Variants in TBC1D22A observed in about 807,000 individuals in gnomAD.
TBC1D22A encodes TBC1 domain family member 22A.
A neutral mutation model predicts 60.2 loss-of-function variants in TBC1D22A; 38 were observed. The observed-to-expected ratio is 0.63, with a 90% CI of 0.49 to 0.83. The LOEUF (loss-of-function observed/expected upper bound fraction) is 0.83, where lower values mean the gene tolerates loss of function less well. TBC1D22A is among the 40% of genes least tolerant of loss of function. TBC1D22A has a pLI of 0.00. For missense variants in TBC1D22A, 628 were observed against 701.0 expected (o/e 0.90, Z 1.18); for synonymous variants, 302 against 281.7 (o/e 1.07, Z -0.72).
intron 10 of TBC1D22A, among the ~76,000 whole-genome samples, chr22:47,023,295 G>T (rs1455014008): frequency 1.3e-5 from 2 of 152,138 alleles, no homozygotes; most frequent in Non-Finnish European, 2.9e-5. Flanking sequence ...TCATGAACCT[G>T]CCAACACAGC....
intron 1 of TBC1D22A, among the ~76,000 whole-genome samples, chr22:46,770,249 G>C (rs1462081190): frequency 6.6e-6 from 1 of 152,198 alleles, no homozygotes; most frequent in Non-Finnish European, 1.5e-5. Flanking sequence ...GCCTTCTGCA[G>C]ATGGCTAACA....
At chr22:46,773,349 C>T (rs562213974) in intron 1 of TBC1D22A, among the ~76,000 whole-genome samples, 91 of 152,330 alleles carry the variant, frequency 6.0e-4, no homozygotes, top group Non-Finnish European at 7.8e-4. Context: ...TGTCTGTGTG[C>T]GGAGCAGGCT....
In TBC1D22A at chr22:47,133,701, G is replaced by C. The variant is rs372911760; in HGVS notation, c.1425+22098G>C. ...TGCCTGGAGCTCTCCCTTGTTGGCT[G>C]TCAGGAAACAGGAGGGCCATGGAGC... On this transcript the variant is annotated intron_variant, in intron 12 of 12. Transcript: ENST00000337137. Among the ~76,000 whole-genome samples, 8 of 152,320 alleles carry C rather than the reference G, an allele frequency of 5.3e-5. No individual in the cohort carries two copies. In the East Asian group the frequency reaches 1.5e-3, roughly 29 times the overall value.
At chr22:46,882,993 CA>C (rs1440463835) in intron 5 of TBC1D22A, among the ~76,000 whole-genome samples, 1 of 152,200 alleles carries the variant, frequency 6.6e-6, no homozygotes, top group Non-Finnish European at 1.5e-5. Context: ...TAGAACATAC[CA>C]TTAAGCCACT....
chr22:47,093,560 C>G (rs551556985), intron 11 of TBC1D22A, among the ~76,000 whole-genome samples: 1 of 152,106 alleles, frequency 6.6e-6, no homozygotes, highest in Non-Finnish European at 1.5e-5. Context: ...TAGGAGTTCC[C>G]GGCTTCCCAG....
intron 8 of TBC1D22A, among the ~76,000 whole-genome samples, chr22:46,942,645 G>A (rs926555527): frequency 6.6e-6 from 1 of 152,216 alleles, no homozygotes; most frequent in East Asian, 1.9e-4. Context: ...ATGTGCGCTC[G>A]GCCACCAGTC....
In TBC1D22A at chr22:47,096,679, G is replaced by A. The variant is rs532099518; in HGVS notation, c.1330-14829G>A. On this transcript the variant is annotated intron_variant, in intron 11 of 12. Coordinates refer to ENST00000337137, the MANE Select transcript of TBC1D22A (RefSeq NM_014346.5). ...TCTACTAAAAATACAAAAATTAGCC[G>A]GGTGTAGTGGCGCATGCCTGTAAGC... Among the ~76,000 whole-genome samples the A allele has an allele frequency of 3.7e-4, 56 of 152,202 alleles. 1 individual carries two copies. The highest frequency in any genetic ancestry group is 6.8e-3 in the Middle Eastern group (2 of 294).
At chr22:46,906,201 C>CA (rs1419565844) in intron 7 of TBC1D22A, among the ~76,000 whole-genome samples, 1 of 152,004 alleles carries the variant, frequency 6.6e-6, no homozygotes, top group African/African-American at 2.4e-5. Context: ...TACTGCTACC[C>CA]AAAAAAATGT....
intron 10 of TBC1D22A, among the ~76,000 whole-genome samples, chr22:47,003,418 TACCCTACGCACACATGCCTGTACACACGC>T (rs1569324050): frequency 2.7e-4 from 28 of 103,672 alleles, no homozygotes; most frequent in Admixed American, 5.4e-4. Flanking sequence ...TGTACACACA[TACCCTACGCACACATGCCTGTACACACGC>T]ACCCTACGCA....
At chr22:47,080,797 A>G (rs2064430366) in intron 11 of TBC1D22A, among the ~76,000 whole-genome samples, 1 of 152,098 alleles carries the variant, frequency 6.6e-6, no homozygotes, top group African/African-American at 2.4e-5. Flanking sequence ...CAAGCAATGG[A>G]GGAGATCAAC....
At chr22:46,965,734 C>T (rs563050060) in intron 8 of TBC1D22A, among the ~76,000 whole-genome samples, 1 of 152,354 alleles carries the variant, frequency 6.6e-6, no homozygotes, top group African/African-American at 2.4e-5. Flanking sequence ...TGCCTCATCC[C>T]GTCCCTGTGG....
intron 8 of TBC1D22A, among the ~76,000 whole-genome samples, chr22:46,943,567 G>T (rs1016085452): frequency 1.3e-5 from 2 of 152,160 alleles, no homozygotes; most frequent in East Asian, 1.9e-4. Context: ...TGTGTATTCC[G>T]CCTGGTCCAT....
intron 1 of TBC1D22A, chr22:46,773,895 C>G: frequency 1.0e-6 from 1 of 979,060 alleles, no homozygotes; most frequent in Non-Finnish European, 1.2e-6. Context: ...AGCCACACAG[C>G]TCATAAGTGG....
chr22:46,842,299 C>T (rs1458486215), intron 4 of TBC1D22A, among the ~76,000 whole-genome samples: 4 of 152,206 alleles, frequency 2.6e-5, no homozygotes, highest in Admixed American at 2.6e-4. Context: ...GCTGAGCAGT[C>T]ATGGGTTTGG....
At position 47,009,864 on chromosome 22, in the gene TBC1D22A, T is replaced by A. The variant is rs1221925016; in HGVS notation, c.1201+12155T>A. Among the ~76,000 whole-genome samples the A allele has an allele frequency of 6.6e-6, 1 of 152,240 alleles. No homozygotes were observed. Among genetic ancestry groups the A allele is most frequent in the East Asian group, 1.9e-4 (1 of 5,198 alleles). The stretch of plus-strand genomic sequence containing the variant: ...GTTGAGCTGCCAAGGGCCCTGTCCA[T>A]GCCTGCTCCTGAGGCAGCCTCTTCT... On this transcript the variant is annotated intron_variant, in intron 10 of 12. Coordinates refer to ENST00000337137, the MANE Select transcript of TBC1D22A (RefSeq NM_014346.5). The surrounding 1 kb of genome is among the most constrained non-coding windows in gnomAD (Gnocchi z 5.8).
intron 4 of TBC1D22A, among the ~76,000 whole-genome samples, chr22:46,840,470 C>CAT (rs2086702467): frequency 6.6e-6 from 1 of 152,200 alleles, no homozygotes; most frequent in South Asian, 2.1e-4. Context: ...GGTGGTGGCT[C>CAT]ACGCCTGTAA....
intron 9 of TBC1D22A, among the ~76,000 whole-genome samples, chr22:46,981,236 AGTAT>A (rs67896424): frequency 0.052 from 7,880 of 152,240 alleles, 673 homozygotes; most frequent in African/African-American, 0.18. Flanking sequence ...CATGTACATA[AGTAT>A]GATGGGAGAG....
chr22:46,939,337 A>G (rs1044559904), intron 8 of TBC1D22A, among the ~76,000 whole-genome samples: 1 of 152,242 alleles, frequency 6.6e-6, no homozygotes, highest in Non-Finnish European at 1.5e-5. Context: ...TCAAGCATCA[A>G]CGAGTGAATA....
intron 1 of TBC1D22A, chr22:46,767,938 T>C (rs1395984302): frequency 1.3e-5 from 2 of 152,808 alleles, no homozygotes; most frequent in African/African-American, 2.4e-5. Context: ...AGACATGGAC[T>C]GTTCTTTGAT....
Sources: gnomAD v4.1 joint callset for allele counts (sites outside exome capture counted in the v4.1 genomes callset) on GRCh38, gnomAD v4.1.1 for gene constraint, Gnocchi (gnomAD v3.1) non-coding constraint, MANE v1.5 for transcripts, NCBI Gene and HGNC (gene_info 2026-07-23, HGNC 2026-07-21) for gene names.